ADAMTS13: variants seen among roughly 807,000 people sequenced by gnomAD.
The protein encoded by ADAMTS13 is ADAM metallopeptidase with thrombospondin type 1 motif 13.
ADAMTS13 carries 110 observed loss-of-function variants against 155.1 expected under a neutral mutation model. The ratio of observed to expected loss-of-function variants is 0.71; its 90% CI spans 0.61 to 0.83. The LOEUF (loss-of-function observed/expected upper bound fraction) is 0.83. Ranked by LOEUF, ADAMTS13 falls within the 40% of genes least tolerant of loss-of-function variation. The pLI is 0.00. For missense variants in ADAMTS13, 1,707 were observed against 1,891.7 expected, an observed-to-expected ratio of 0.90 and a Z score of 1.81; for synonymous variants, 758 against 756.4, an observed-to-expected ratio of 1.00 and a Z score of -0.03.
rs781880041 is a variant in ADAMTS13 at position 133,457,985 on chromosome 9, G to C, written c.3800G>C (p.Gly1267Ala). The change falls in exon 28 of 29, where the codon GGG becomes GCG. Residue 1267 changes from glycine to alanine, a missense_variant. Physicochemically the swap from Gly to Ala is moderately conservative, Grantham distance 60. Transcript: ENST00000355699. ...PSLSPATSNA[G>A]GCRLFINVAP... ...CTGAGTCCAGCCACGAGTAATGCAG[G>C]GGGCTGCCGGCTCTTCATTAATGTG... 42 of 1,613,552 alleles carry C rather than the reference G, an allele frequency of 2.6e-5. No homozygotes were observed. Among genetic ancestry groups the C allele is most frequent in the Middle Eastern group, 1.6e-4 (1 of 6,084 alleles).
chr9:133,414,381 G>C (rs782183188), exon 1 of ADAMTS13: 8 of 634,572 alleles, frequency 1.3e-5, no homozygotes, highest in Admixed American at 2.1e-5. Context: ...GCAGGGACAG[G>C]CCTCATACTT....
chr9:133,429,950 C>T lies in ADAMTS13; in HGVS notation c.836C>T (p.Ala279Val), dbSNP rs1554786663. 3.9e-6 allele frequency: 6 copies of T among 1,535,642 alleles called. No individual in the cohort carries two copies. The highest frequency in any genetic ancestry group is 4.4e-6 in the Non-Finnish European group (5 of 1,145,608). Reference protein sequence around the residue: ...QLLSLLSAGRARCVWDPPRPQ... With the variant: ...QLLSLLSAGRVRCVWDPPRPQ... ...GGGCCTTGTCGCAGCGCAGGACGGGCGCGCTGCGTGTGGGACCCGCCGCGG... is the reference window on the plus strand; with the variant it reads ...GGGCCTTGTCGCAGCGCAGGACGGGTGCGCTGCGTGTGGGACCCGCCGCGG... The change falls in exon 8 of 29, where the codon GCG (alanine) becomes GTG (valine). Residue 279 changes from alanine (A) to valine (V), a missense_variant. Physicochemically the swap from Ala to Val is moderately conservative, Grantham distance 64. This residue lies in a region of ADAMTS13 where 733 missense variants were observed against 749.6 expected (regional missense o/e 0.98). Coordinates refer to ENST00000355699, the MANE Select transcript of ADAMTS13 (RefSeq NM_139027.6).
chr9:133,432,787 C>A, intron 9 of ADAMTS13, 95 bp downstream of exon 9: 1 of 1,201,534 alleles, frequency 8.3e-7, no homozygotes, highest in Non-Finnish European at 1.2e-6. Flanking sequence ...GAGGCAGGAC[C>A]AGTATGGGGC....
rs1841637583 is a variant in ADAMTS13 at position 133,441,116 on chromosome 9, T to C, written c.1968+591T>C. 6.6e-6 allele frequency among the ~76,000 whole-genome samples: 1 copy of C among 152,122 alleles called. No individual in the cohort carries two copies. Among genetic ancestry groups the C allele is most frequent in the African/African-American group, 2.4e-5 (1 of 41,408 alleles). On this transcript the variant is annotated intron_variant, in intron 16 of 28. Coordinates refer to ENST00000355699, the MANE Select transcript of ADAMTS13 (RefSeq NM_139027.6). This position sits in a 1 kb window ranked among gnomAD's most constrained non-coding sequence, Gnocchi z 5.0. ...GTCCTCAGTGACGTGTGCTCGCCCA[T>C]GTATGTCCCCATTGGTGCTTCGCTG...
In ADAMTS13 at chr9:133,441,330, C is replaced by T. The variant is rs1841657428; in HGVS notation, c.1968+805C>T. On this transcript the variant is annotated intron_variant, in intron 16 of 28. Transcript: ENST00000355699. The surrounding 1 kb of genome is among the most constrained non-coding windows in gnomAD (Gnocchi z 5.0). ...AGCCCCTGTGAGCGGCTTATCCCTT[C>T]TCTTCCCCTGATATGGTTCCCTTCC... Among the ~76,000 whole-genome samples, 1 of 152,332 alleles carries T rather than the reference C, an allele frequency of 6.6e-6. No individual in the cohort carries two copies. The highest frequency in any genetic ancestry group is 1.9e-4 in the East Asian group (1 of 5,186).
chr9:133,439,402 C>A lies in ADAMTS13; in HGVS notation c.1742C>A (p.Thr581Asn), dbSNP rs782427556. 6.2e-7 allele frequency: 1 copy of A among 1,614,098 alleles called. No individual in the cohort carries two copies. Among genetic ancestry groups the A allele is most frequent in the South Asian group, 1.1e-5 (1 of 91,084 alleles). Reference sequence around the variant, plus strand: ...TTTCTGACAGTTACCCCCAACCTGACCAGTGTCTACATTGCCAACCACAGG... The same window carrying A: ...TTTCTGACAGTTACCCCCAACCTGAACAGTGTCTACATTGCCAACCACAGG... ...VTFLTVTPNL[T>N]SVYIANHRPL... The change falls in exon 15 of 29, where the codon ACC becomes AAC. Residue 581 changes from threonine (T) to asparagine (N), a missense_variant. Thr to Asn is a moderately conservative substitution (Grantham distance 65). This residue lies in a region of ADAMTS13 where 961 missense variants were observed against 1,107.9 expected (regional missense o/e 0.87). Transcript: ENST00000355699.
chr9:133,419,987 C>T (rs1839887853), upstream of ADAMTS13, among the ~76,000 whole-genome samples: 1 of 152,166 alleles, frequency 6.6e-6, no homozygotes, highest in African/African-American at 2.4e-5. Flanking sequence ...TCACCGCAAC[C>T]TCCACCTCCC....
rs1564409229 is a variant in ADAMTS13, at chr9:133,425,905, G to A, written c.415-33G>A. On this transcript the variant is annotated intron_variant, in intron 4 of 28. Transcript: ENST00000355699. The surrounding 1 kb of genome is among the most constrained non-coding windows in gnomAD (Gnocchi z 4.6). Reference sequence around the variant, plus strand: ...AGTCAGCACCGTGCCTGGTTGGGGTGTCCTAAATGCAGGCTTTGCTGTGGG... The same window carrying A: ...AGTCAGCACCGTGCCTGGTTGGGGTATCCTAAATGCAGGCTTTGCTGTGGG... 3 of 1,612,432 alleles carry A rather than the reference G, an allele frequency of 1.9e-6. No individual in the cohort carries two copies. The highest frequency in any genetic ancestry group is 2.2e-5 in the East Asian group (1 of 44,872).
rs782771719 is a variant in ADAMTS13 at position 133,456,213 on chromosome 9, CG to C, written c.3547+1del. On this transcript the variant is annotated frameshift_variant and splice_region_variant, in exon 26 of 29. Coordinates refer to ENST00000355699, the MANE Select transcript of ADAMTS13 (RefSeq NM_139027.6). LOFTEE classifies it high-confidence loss of function. The surrounding 1 kb of genome is among the most constrained non-coding windows in gnomAD (Gnocchi z 4.4). ...RVLESSLNCS[A>X]GDMLLLWGRL... ...CTTGAGAGTTCTCTCAACTGCAGTGCGGGTATGTCTAGGGCCATGCAAGCGA... is the reference window on the plus strand; with the variant it reads ...CTTGAGAGTTCTCTCAACTGCAGTGCGGTATGTCTAGGGCCATGCAAGCGA... 6.2e-7 allele frequency: 1 copy of C among 1,613,444 alleles called. No homozygotes were observed. The highest frequency in any genetic ancestry group is 2.2e-5 in the East Asian group (1 of 44,882).
chr9:133,423,900 G>A (rs1840109005), intron 2 of ADAMTS13, among the ~76,000 whole-genome samples: 1 of 152,258 alleles, frequency 6.6e-6, no homozygotes, highest in African/African-American at 2.4e-5. Context: ...GACCCTCTAA[G>A]GGCTCCCTTG....
chr9:133,448,721 C>T lies in ADAMTS13; in HGVS notation c.2854C>T (p.Pro952Ser), dbSNP rs143568784. The change falls in exon 22 of 29, where the codon CCT becomes TCT. Residue 952 changes from proline to serine, a missense_variant. Coordinates refer to ENST00000355699, the MANE Select transcript of ADAMTS13 (RefSeq NM_139027.6). The part of the protein sequence containing the change: ...RREVCQAVPC[P>S]ARWQYKLAAC... ...GGAGGTCTGCCAGGCTGTCCCGTGC[C>T]CTGCTCGGTGAGTGAGGGGAGCAAG... The T allele has an allele frequency of 1.6e-4, 256 of 1,601,268 alleles. 2 individuals are homozygous for T. In the Middle Eastern group the frequency reaches 4.2e-3, roughly 26 times the overall value.
chr9:133,424,567 C>G lies in ADAMTS13; in HGVS notation c.330+89C>G. ...GCTGGTGTATCTGGTAGTCTGAATA[C>G]AGTGGGTTAAACTCAGGTAGAATGG... is the stretch of plus-strand genomic sequence containing the variant. On this transcript the variant is annotated intron_variant, in intron 3 of 28. Transcript: ENST00000355699. This position sits in a 1 kb window ranked among gnomAD's most constrained non-coding sequence, Gnocchi z 4.3. 1 of 1,541,576 alleles carries G rather than the reference C, an allele frequency of 6.5e-7. No individual in the cohort carries two copies. Among genetic ancestry groups the G allele is most frequent in the African/African-American group, 1.4e-5 (1 of 72,958 alleles).
chr9:133,440,367 G>T lies in ADAMTS13; in HGVS notation c.1810G>T (p.Val604Phe). ...AGCGGTGAGGATCGGAGGGCGCTAT[G>T]TCGTGGCTGGGAAGATGAGCATCTC... The part of the protein sequence containing the change: ...HLAVRIGGRY[V>F]VAGKMSISPN... The change falls in exon 16 of 29, where the codon GTC (valine) becomes TTC (phenylalanine). Residue 604 changes from valine to phenylalanine, a missense_variant. Val to Phe is a conservative substitution (Grantham distance 50). This residue lies in a region of ADAMTS13 where 961 missense variants were observed against 1,107.9 expected (regional missense o/e 0.87). Transcript: ENST00000355699. The surrounding 1 kb of genome is among the most constrained non-coding windows in gnomAD (Gnocchi z 4.3). 4 of 1,614,044 alleles carry T rather than the reference G, an allele frequency of 2.5e-6. No homozygotes were observed. Among genetic ancestry groups the T allele is most frequent in the Non-Finnish European group, 3.4e-6 (4 of 1,180,048 alleles).
In ADAMTS13 at chr9:133,425,659, C is replaced by G. The variant is rs782131371; in HGVS notation, c.414+47C>G. 3 of 1,578,272 alleles carry G rather than the reference C, an allele frequency of 1.9e-6. No individual in the cohort carries two copies. Among genetic ancestry groups the G allele is most frequent in the Non-Finnish European group, 2.6e-6 (3 of 1,154,908 alleles). ...AGCACACCATACAGAGCGGGAAGCC[C>G]AAGTCATCGCATCTCCATCCTCTTT... On this transcript the variant is annotated intron_variant, in intron 4 of 28. Transcript: ENST00000355699. This position sits in a 1 kb window ranked among gnomAD's most constrained non-coding sequence, Gnocchi z 4.6.
chr9:133,414,886 C>T, intron 1 of ADAMTS13: 1 of 1,614,166 alleles, frequency 6.2e-7, no homozygotes, highest in South Asian at 1.1e-5. Context: ...CCGGCATCTC[C>T]TCTCCCTTCA....
intron 11 of ADAMTS13, 50 bp from the exon 12 acceptor site, chr9:133,436,779 C>CA: frequency 4.8e-6 from 2 of 414,006 alleles, no homozygotes; most frequent in Middle Eastern, 3.7e-4. Flanking sequence ...AGTGACAACA[C>CA]CCGCCCCCCG....
upstream of ADAMTS13, chr9:133,418,046 C>T (rs1839787066): frequency 1.7e-6 from 1 of 583,666 alleles, no homozygotes; most frequent in East Asian, 2.9e-5. Context: ...CGGAAGCGCT[C>T]GTCTCTCCAC....
Position 133,436,862 on chromosome 9 carries a change from C to G in ADAMTS13, c.1342C>G (p.Gln448Glu), listed in dbSNP as rs2301612. The change falls in exon 12 of 29, where the codon CAA becomes GAA. Residue 448 changes from glutamine (Q) to glutamate (E), a missense_variant. By Grantham distance (29) the Gln-to-Glu change is conservative. This residue lies in a region of ADAMTS13 where 733 missense variants were observed against 749.6 expected (regional missense o/e 0.98). Transcript: ENST00000355699. Reference sequence around the variant, plus strand: ...GAAGACCCAGCTGGAGTTCATGTCGCAACAGTGCGCCAGGACCGACGGCCA... The same window carrying G: ...GAAGACCCAGCTGGAGTTCATGTCGGAACAGTGCGCCAGGACCGACGGCCA... ...CEKTQLEFMS[Q>E]QCARTDGQPL... 643,816 of 1,583,348 alleles carry G rather than the reference C, an allele frequency of 0.41. 137,791 individuals carry two copies. The highest frequency in any genetic ancestry group is 0.44 in the Non-Finnish European group (507,496 of 1,165,370).
chr9:133,420,184 G>A (rs1554782730), upstream of ADAMTS13, among the ~76,000 whole-genome samples: 4 of 152,174 alleles, frequency 2.6e-5, no homozygotes, highest in Non-Finnish European at 2.9e-5. Context: ...GATTACAGGC[G>A]TGAGCCACCG....
Sources: gnomAD v4.1 joint callset for allele counts (sites outside exome capture counted in the v4.1 genomes callset) on GRCh38, gnomAD v4.1.1 for gene constraint, gnomAD v4.1.1 regional missense constraint, Gnocchi (gnomAD v3.1) non-coding constraint, MANE v1.5 for transcripts, NCBI Gene and HGNC (gene_info 2026-07-23, HGNC 2026-07-21) for gene names.